Variants in EML4 observed in about 807,000 individuals in gnomAD.
The protein encoded by EML4 is EMAP like 4.
EML4 carries 72 observed loss-of-function variants against 129.0 expected under a neutral mutation model. That is an observed-to-expected ratio of 0.56 (90% CI 0.46 to 0.68). EML4 has a LOEUF of 0.68. Among genes scored for constraint, EML4 ranks in the 30% least tolerant of loss-of-function variants. The pLI is 0.00. For synonymous variants in EML4, 532 were observed against 405.0 expected, an observed-to-expected ratio of 1.31 and a Z score of -3.77; for missense variants, 1,363 against 1,190.6, an observed-to-expected ratio of 1.14 and a Z score of -2.13.
intron 11 of EML4, among the ~76,000 whole-genome samples, chr2:42,293,108 C>T (rs762628164): frequency 6.8e-6 from 1 of 147,210 alleles, no homozygotes; most frequent in East Asian, 2.0e-4. Context: ...TTATCTTCAA[C>T]TTTTTTTTTT....
intron 3 of EML4, among the ~76,000 whole-genome samples, chr2:42,260,857 C>T (rs934002009): frequency 2.0e-5 from 3 of 152,184 alleles, no homozygotes; most frequent in Non-Finnish European, 4.4e-5. Context: ...GCCAAGATGG[C>T]AAAGTTTATT....
intron 6 of EML4, among the ~76,000 whole-genome samples, chr2:42,276,671 T>C (rs1558566033): frequency 6.6e-6 from 1 of 152,238 alleles, no homozygotes; most frequent in Non-Finnish European, 1.5e-5. Flanking sequence ...TGTGATGTCT[T>C]ATTTAATCAC....
chr2:42,187,978 G>A (rs1235360838), intron 1 of EML4, among the ~76,000 whole-genome samples: 1 of 152,014 alleles, frequency 6.6e-6, no homozygotes, highest in African/African-American at 2.4e-5. Context: ...CTTATTTTTA[G>A]GTCGATGATC....
At chr2:42,299,229 A>G (rs532969286) in intron 13 of EML4, among the ~76,000 whole-genome samples, 44 of 152,296 alleles carry the variant, frequency 2.9e-4, no homozygotes, top group African/African-American at 1.1e-3. Flanking sequence ...ATATATACCC[A>G]TCTGTTAAGT....
chr2:42,217,633 T>A (rs1038165000), intron 1 of EML4, among the ~76,000 whole-genome samples: 1 of 152,234 alleles, frequency 6.6e-6, no homozygotes, highest in African/African-American at 2.4e-5. Flanking sequence ...TTTCTGAGGA[T>A]TCTTAAAATA....
chr2:42,235,367 C>A (rs114284650), intron 1 of EML4, among the ~76,000 whole-genome samples: 1 of 116,066 alleles, frequency 8.6e-6, no homozygotes, highest in African/African-American at 3.6e-5. Context: ...GGCTAAGGCG[C>A]GAGAATTACT....
At chr2:42,241,154 G>GA (rs376677720) in intron 1 of EML4, among the ~76,000 whole-genome samples, 56 of 137,186 alleles carry the variant, frequency 4.1e-4, no homozygotes, top group African/African-American at 5.6e-4. Flanking sequence ...GAGTCTCAAA[G>GA]AAAAAAAAAA....
chr2:42,193,458 T>G (rs914887658), intron 1 of EML4, among the ~76,000 whole-genome samples: 2 of 152,228 alleles, frequency 1.3e-5, no homozygotes, highest in African/African-American at 4.8e-5. Context: ...GTGTGATTGT[T>G]TAGACTGACA....
intron 13 of EML4, among the ~76,000 whole-genome samples, chr2:42,300,901 A>G (rs908933697): frequency 6.6e-6 from 1 of 152,156 alleles, no homozygotes; most frequent in African/African-American, 2.4e-5. Flanking sequence ...TACCCTAGCT[A>G]CCATACAAGA....
intron 14 of EML4, among the ~76,000 whole-genome samples, 178 bp from the exon 15 acceptor site, chr2:42,302,926 C>G (rs1177128639): frequency 1.3e-5 from 2 of 152,132 alleles, no homozygotes; most frequent in African/African-American, 2.4e-5. Context: ...ATTATTATAA[C>G]TTCTGTATAA....
chr2:42,249,514 GT>G (rs2104322203), intron 2 of EML4, among the ~76,000 whole-genome samples: 2 of 152,214 alleles, frequency 1.3e-5, no homozygotes, highest in African/African-American at 4.8e-5. Flanking sequence ...CTATTTTATG[GT>G]TTTGCTAGAT....
At chr2:42,325,976 G>T (rs749500202) in intron 20 of EML4, 178 bp from the exon 21 acceptor site, 7 of 515,480 alleles carry the variant, frequency 1.4e-5, no homozygotes, top group Non-Finnish European at 1.7e-5. Context: ...GAAACAGTTT[G>T]TAGTTTTATA....
At chr2:42,276,049 C>G (rs1390915572) in intron 6 of EML4, among the ~76,000 whole-genome samples, 7 of 152,080 alleles carry the variant, frequency 4.6e-5, no homozygotes, top group Non-Finnish European at 1.0e-4. Context: ...GCCCGAGAAT[C>G]TCAGGAAAAA....
At chr2:42,220,236 ATTTTTTTTTTTTT>A (rs56896362) in intron 1 of EML4, among the ~76,000 whole-genome samples, 3 of 140,138 alleles carry the variant, frequency 2.1e-5, no homozygotes, top group Non-Finnish European at 4.6e-5. Context: ...CAGATACTGT[ATTTTTTTTTTTTT>A]TTTTTTTTAC....
At chr2:42,329,588 T>G in intron 22 of EML4, 146 bp from the exon 23 acceptor site, 1 of 639,320 alleles carries the variant, frequency 1.6e-6, no homozygotes, top group Non-Finnish European at 2.7e-6. Context: ...CTAGCCTTAC[T>G]CCTGAGATTT....
At chr2:42,203,457 C>A (rs1395076560) in intron 1 of EML4, among the ~76,000 whole-genome samples, 3 of 152,096 alleles carry the variant, frequency 2.0e-5, no homozygotes, top group African/African-American at 7.2e-5. Flanking sequence ...AGTATATTGA[C>A]ATAGCTGTAA....
rs1669226266 is a variant in EML4 at position 42,315,977 on chromosome 2, T to G, written c.1983T>G (p.Asp661Glu). ...TTCTTAACAGGTGGTTTGTTCTGGA[T>G]GCAGAAACCAGAGATCTAGTTTCTA... Reference protein sequence around the residue: ...GTHSGRWFVLDAETRDLVSIH... With the variant: ...GTHSGRWFVLEAETRDLVSIH... The change falls in exon 18 of 23, where the codon GAT becomes GAG. Residue 661 changes from aspartate (D) to glutamate (E), a missense_variant. Physicochemically the swap from Asp to Glu is conservative, Grantham distance 45. Transcript: ENST00000318522. 2 of 1,613,220 alleles carry G rather than the reference T, an allele frequency of 1.2e-6. No individual in the cohort carries two copies. Among genetic ancestry groups the G allele is most frequent in the African/African-American group, 2.7e-5 (2 of 74,898 alleles).
Position 42,256,722 on chromosome 2 carries a change from G to C in EML4, c.338+92G>C, listed in dbSNP as rs543422153. 1.2e-5 allele frequency: 18 copies of C among 1,468,430 alleles called. No homozygotes were observed. The East Asian group carries it at 2.7e-4, about 22-fold the overall frequency. 91.0% of individuals were successfully genotyped at this position (1,468,430 alleles called of 1,614,324 possible). On this transcript the variant is annotated intron_variant, in intron 3 of 22. Coordinates refer to ENST00000318522, the MANE Select transcript of EML4 (RefSeq NM_019063.5). Reference sequence around the variant, plus strand: ...TTTAGAAAGAATATGAAATAGAGCTGTTTGAATTCAAGTGAGCATGTCCTT... The same window carrying C: ...TTTAGAAAGAATATGAAATAGAGCTCTTTGAATTCAAGTGAGCATGTCCTT...
intron 1 of EML4, among the ~76,000 whole-genome samples, chr2:42,177,572 C>T (rs577843340): frequency 6.6e-6 from 1 of 152,140 alleles, no homozygotes; most frequent in African/African-American, 2.4e-5. Flanking sequence ...GCAGTGAGCG[C>T]AGATCACACT....
Sources: allele counts gnomAD v4.1 joint callset (sites outside exome capture counted in the v4.1 genomes callset), GRCh38; gene constraint gnomAD v4.1.1; transcripts MANE v1.5; gene names NCBI Gene and HGNC (gene_info 2026-07-23, HGNC 2026-07-21).